The following RPAIN variants were observed in gnomAD, a reference collection of about 807,000 sequenced individuals.
RPAIN encodes the protein RPA interacting protein.
RPAIN carries 29 observed loss-of-function variants against 30.5 expected under a neutral mutation model. The ratio of observed to expected loss-of-function variants is 0.95; its 90% CI spans 0.71 to 1.30. RPAIN has a LOEUF of 1.30. Among genes scored for constraint, RPAIN ranks in the 50% most tolerant of loss-of-function variants. RPAIN has a pLI of 0.00. For synonymous variants in RPAIN, 101 were observed against 93.5 expected (o/e 1.08, Z -0.46); for missense variants, 247 against 264.7 (o/e 0.93, Z 0.46).
chr17:5,425,906 G>A (rs1453602915), intron 3 of RPAIN, 65 bp from the exon 4 acceptor site: 1 of 1,068,096 alleles, frequency 9.4e-7, no homozygotes, highest in Admixed American at 2.0e-5. Flanking sequence ...TGACAGTGAA[G>A]TTTAGAATTA....
intron 3 of RPAIN, among the ~76,000 whole-genome samples, chr17:5,423,241 G>A (rs1222113764): frequency 6.6e-6 from 1 of 152,014 alleles, no homozygotes; most frequent in Non-Finnish European, 1.5e-5. Flanking sequence ...TGAGGGTGGT[G>A]GCTTATGCCT....
At chr17:5,427,831 T>G (rs1567587704) in intron 5 of RPAIN, 1 of 528,566 alleles carries the variant, frequency 1.9e-6, no homozygotes, top group Non-Finnish European at 3.4e-6. Context: ...CTTCCTGCCA[T>G]GAGTGGCCAT....
Position 5,428,103 on chromosome 17 carries a change from C to G in RPAIN, c.522C>G (p.Ala174=). The stretch of plus-strand genomic sequence containing the variant: ...AGTTGACAGAGCAGAAGCTTCGTGC[C>G]TGTTTAGAGGGTAGTATAAATGAGC... ...SSELTEQKLR[A]CLEGSINEHS... is the part of the protein sequence containing the mutation. Residue 174 remains alanine, a synonymous_variant, in exon 6 of 7, where the codon GCC becomes GCG. Coordinates refer to ENST00000381209, the MANE Select transcript of RPAIN (RefSeq NM_001033002.4). The G allele has an allele frequency of 1.2e-6, 2 of 1,614,140 alleles. No individual in the cohort carries two copies. The highest frequency in any genetic ancestry group is 3.3e-5 in the Admixed American group (2 of 59,998).
chr17:5,420,754 A>C (rs527480743), intron 1 of RPAIN, among the ~76,000 whole-genome samples: 1 of 152,346 alleles, frequency 6.6e-6, no homozygotes, highest in South Asian at 2.1e-4. Flanking sequence ...TAGCAGATAC[A>C]GCAGAGTTTC....
intron 6 of RPAIN, chr17:5,431,484 T>TCAAAAAAAAAAAAA: frequency 2.8e-6 from 1 of 363,316 alleles, no homozygotes; most frequent in Non-Finnish European, 5.0e-6. Flanking sequence ...GATTGTGCCT[T>TCAAAAAAAAAAAAA]AAAAAAAAAA....
At chr17:5,424,336 G>C (rs1488030044) in intron 3 of RPAIN, among the ~76,000 whole-genome samples, 1 of 152,016 alleles carries the variant, frequency 6.6e-6, no homozygotes, top group African/African-American at 2.4e-5. Context: ...TCACTATGTT[G>C]CCTAGGCTGG....
Sources: allele counts gnomAD v4.1 joint callset (sites outside exome capture counted in the v4.1 genomes callset), GRCh38; gene constraint gnomAD v4.1.1; transcripts MANE v1.5; gene names NCBI Gene and HGNC (gene_info 2026-07-23, HGNC 2026-07-21).